The following FMNL2 variants were observed in gnomAD, a reference collection of about 807,000 sequenced individuals.
FMNL2 encodes the protein formin-like protein 2.
In FMNL2, 51 loss-of-function variants were observed where a neutral mutation model predicts 130.2. That is an observed-to-expected ratio of 0.39 (90% CI 0.31 to 0.49). The LOEUF is 0.49. FMNL2 is among the 20% of genes least tolerant of loss of function. The pLI is 0.85. For synonymous variants in FMNL2, 465 were observed against 467.1 expected, an observed-to-expected ratio of 1.00 and a Z score of 0.06; for missense variants, 977 against 1,316.2, an observed-to-expected ratio of 0.74 and a Z score of 3.99.
intron 1 of FMNL2, among the ~76,000 whole-genome samples, chr2:152,501,416 G>A (rs930152466): frequency 2.0e-5 from 3 of 152,212 alleles, no homozygotes; most frequent in African/African-American, 7.2e-5. Flanking sequence ...TAACTTAAAA[G>A]CATAATTCTT....
intron 1 of FMNL2, among the ~76,000 whole-genome samples, chr2:152,357,740 A>G (rs988582702): frequency 6.6e-6 from 1 of 152,244 alleles, no homozygotes; most frequent in African/African-American, 2.4e-5. Flanking sequence ...GCACAGTTTT[A>G]TGTATTGATC....
chr2:152,445,786 C>G (rs958133569), intron 1 of FMNL2, among the ~76,000 whole-genome samples: 24 of 152,264 alleles, frequency 1.6e-4, no homozygotes, highest in Middle Eastern at 3.4e-3. Context: ...AGACTTTGTT[C>G]TAGTATTTAA....
chr2:152,539,769 G>A (rs536124752), intron 2 of FMNL2, among the ~76,000 whole-genome samples: 63 of 152,118 alleles, frequency 4.1e-4, no homozygotes, highest in African/African-American at 1.5e-3. Flanking sequence ...TCCCAAATAG[G>A]AAATGAAAAA....
chr2:152,593,720 A>G (rs1697558795), intron 9 of FMNL2, among the ~76,000 whole-genome samples: 1 of 152,194 alleles, frequency 6.6e-6, no homozygotes, highest in Non-Finnish European at 1.5e-5. Context: ...TCAGGCAAAG[A>G]AAATAAAACT....
chr2:152,412,308 G>A (rs1443434309), intron 1 of FMNL2, among the ~76,000 whole-genome samples: 2 of 151,292 alleles, frequency 1.3e-5, no homozygotes, highest in African/African-American at 4.9e-5. Flanking sequence ...TTTTTCCCTA[G>A]GGTAGGAGGA....
In FMNL2 at chr2:152,637,734, T is replaced by A. The variant is rs79177414; in HGVS notation, c.2946+60T>A. ...AAGCAATTGCCCTCCTTGAGATGTG[T>A]CTGAGTCCCAACTCTCTGCAGAGGC... On this transcript the variant is annotated intron_variant, in intron 23 of 25. Coordinates refer to ENST00000288670, the MANE Select transcript of FMNL2 (RefSeq NM_052905.4). The A allele has an allele frequency of 5.6e-3, 8,257 of 1,474,624 alleles. 372 individuals carry two copies. The African/African-American group carries it at 0.098, about 18-fold the overall frequency. The allele number at this position is 1,474,624 out of a possible 1,614,324, so 91.3% of individuals were successfully genotyped here.
chr2:152,593,860 A>AGTGTGTGTGTGT (rs70974873), intron 9 of FMNL2, among the ~76,000 whole-genome samples: 33 of 113,340 alleles, frequency 2.9e-4, no homozygotes, highest in Non-Finnish European at 3.9e-4. Context: ...AGAGAGAGAG[A>AGTGTGTGTGTGT]GTGTGTGTGT....
intron 1 of FMNL2, among the ~76,000 whole-genome samples, chr2:152,411,285 A>G (rs1407523664): frequency 1.3e-5 from 2 of 152,120 alleles, no homozygotes; most frequent in Admixed American, 6.5e-5. Flanking sequence ...CAGCAGGCAT[A>G]ATTGGTTGTG....
At chr2:152,345,090 A>G (rs918159921) in intron 1 of FMNL2, among the ~76,000 whole-genome samples, 4 of 152,124 alleles carry the variant, frequency 2.6e-5, no homozygotes, top group Non-Finnish European at 4.4e-5. Context: ...TGGAACTGAG[A>G]GGATAGTAGC....
chr2:152,626,586 A>G lies in FMNL2; in HGVS notation c.2024A>G (p.Asp675Gly). Residue 675 changes from aspartate (D) to glycine (G), a missense_variant, in exon 17 of 26, where the codon GAT (aspartate) becomes GGT (glycine). Physicochemically the swap from Asp to Gly is moderately conservative, Grantham distance 94. Around this residue, in one of 4 missense-constraint regions of FMNL2, gnomAD observed 689 missense variants for 995.9 expected, o/e 0.69. Transcript: ENST00000288670. Reference protein sequence around the residue: ...FKTKAQGPAIDLSSSKQKIPQ... With the variant: ...FKTKAQGPAIGLSSSKQKIPQ... The stretch of plus-strand genomic sequence containing the variant: ...ACAAAAGCCCAAGGACCTGCCATTG[A>G]TCTTTCTTCAAGCAAACAGAAGATA... 6.2e-7 allele frequency: 1 copy of G among 1,612,694 alleles called. No homozygotes were observed.
chr2:152,576,857 G>A (rs949367180), intron 7 of FMNL2, among the ~76,000 whole-genome samples: 1 of 152,152 alleles, frequency 6.6e-6, no homozygotes, highest in Non-Finnish European at 1.5e-5. Context: ...AGGAGGCTTG[G>A]CTGGATCAGA....
chr2:152,645,738 G>T (rs1683496277), intron 25 of FMNL2, among the ~76,000 whole-genome samples: 1 of 149,460 alleles, frequency 6.7e-6, no homozygotes, highest in African/African-American at 2.4e-5. Context: ...GGTATTTGCT[G>T]ATGATTGTAT....
At chr2:152,387,810 TA>T (rs1250017586) in intron 1 of FMNL2, among the ~76,000 whole-genome samples, 24 of 132,936 alleles carry the variant, frequency 1.8e-4, no homozygotes, top group African/African-American at 6.2e-4. Context: ...CCTGGCTAAT[TA>T]AAAAAAAAAT....
chr2:152,528,476 C>T (rs1349271171), intron 2 of FMNL2, among the ~76,000 whole-genome samples: 1 of 152,144 alleles, frequency 6.6e-6, no homozygotes, highest in Non-Finnish European at 1.5e-5. Flanking sequence ...CATTCTTTGG[C>T]TTGTGGCTGT....
intron 1 of FMNL2, among the ~76,000 whole-genome samples, chr2:152,364,951 A>T (rs1034357210): frequency 1.3e-5 from 2 of 152,220 alleles, no homozygotes; most frequent in African/African-American, 4.8e-5. Flanking sequence ...ACATGAAGTA[A>T]AAGTATTTTT....
intron 9 of FMNL2, among the ~76,000 whole-genome samples, chr2:152,607,069 G>A (rs1159185035): frequency 2.3e-5 from 3 of 131,752 alleles, no homozygotes; most frequent in African/African-American, 5.7e-5. Flanking sequence ...TAAAAAATTC[G>A]TGAGACTGCA....
intron 1 of FMNL2, among the ~76,000 whole-genome samples, chr2:152,369,338 G>T (rs141697330): frequency 1.3e-5 from 2 of 152,284 alleles, no homozygotes; most frequent in Non-Finnish European, 2.9e-5. Flanking sequence ...GAGCCCAAAA[G>T]GTTTCTTTAT....
intron 6 of FMNL2, among the ~76,000 whole-genome samples, chr2:152,568,979 A>G (rs1696015575): frequency 6.6e-6 from 1 of 152,190 alleles, no homozygotes; most frequent in Non-Finnish European, 1.5e-5. Context: ...CTCTACTCCA[A>G]GAATTTTCAT....
intron 1 of FMNL2, among the ~76,000 whole-genome samples, chr2:152,478,248 ATATTTTT>A (rs1265492475): frequency 0.021 from 1,589 of 75,694 alleles, 36 homozygotes; most frequent in African/African-American, 0.066. Flanking sequence ...ATATATATAT[ATATTTTT>A]TTTTTTTTTT....
Sources: gnomAD v4.1 joint callset for allele counts (sites outside exome capture counted in the v4.1 genomes callset) on GRCh38, gnomAD v4.1.1 for gene constraint, gnomAD v4.1.1 regional missense constraint, MANE v1.5 for transcripts, NCBI Gene and HGNC (gene_info 2026-07-23, HGNC 2026-07-21) for gene names.